RCSD1: variants seen among roughly 807,000 people sequenced by gnomAD.
RCSD1 encodes the protein RCSD domain containing 1.
A neutral mutation model predicts 42.5 loss-of-function variants in RCSD1; 26 were observed. The ratio of observed to expected loss-of-function variants is 0.61; its 90% CI spans 0.45 to 0.85. The LOEUF is 0.85. Ranked by LOEUF, RCSD1 falls within the 40% of genes least tolerant of loss-of-function variation. RCSD1 has a pLI of 0.00. For synonymous variants in RCSD1, 220 were observed against 212.2 expected (o/e 1.04, Z -0.32); for missense variants, 571 against 528.3 (o/e 1.08, Z -0.79).
intron 6 of RCSD1, among the ~76,000 whole-genome samples, chr1:167,698,554 T>C (rs1344258558): frequency 6.6e-6 from 1 of 152,158 alleles, no homozygotes; most frequent in Admixed American, 6.5e-5. Context: ...ACTGGCCCTT[T>C]CCTCTACACC....
chr1:167,694,250 C>G lies in RCSD1; in HGVS notation c.422C>G (p.Pro141Arg). The G allele has an allele frequency of 3.1e-6, 5 of 1,614,224 alleles. No homozygotes were observed. The highest frequency in any genetic ancestry group is 4.2e-6 in the Non-Finnish European group (5 of 1,180,048). The change falls in exon 5 of 7, where the codon CCT becomes CGT. Residue 141 changes from proline to arginine, a missense_variant. Pro to Arg is a moderately radical substitution (Grantham distance 103). Transcript: ENST00000367854. ...RSRPSEAEEV[P>R]VSFDQPPEGS... is the part of the protein sequence containing the mutation. ...AGGCCCAGCGAGGCAGAGGAGGTGC[C>G]TGTCAGCTTCGACCAGCCCCCTGAA... is the stretch of plus-strand genomic sequence containing the variant.
At chr1:167,630,692 C>A (rs1360689768) in intron 1 of RCSD1, 5 of 139,434 alleles carry the variant, frequency 3.6e-5, no homozygotes, top group African/African-American at 1.5e-4. Context: ...TCCTAGAGGC[C>A]CGGGTATTTT....
chr1:167,631,276 G>A (rs765538864), intron 1 of RCSD1, among the ~76,000 whole-genome samples: 1 of 152,216 alleles, frequency 6.6e-6, no homozygotes, highest in Non-Finnish European at 1.5e-5. Context: ...CCTTGAAAAT[G>A]AGACCTGATA....
At chr1:167,636,616 T>C (rs1657861984) in intron 1 of RCSD1, among the ~76,000 whole-genome samples, 1 of 151,912 alleles carries the variant, frequency 6.6e-6, no homozygotes, top group Admixed American at 6.6e-5. Context: ...TTAGACGGAG[T>C]TTTGCTCTTG....
rs983756673 is a variant in RCSD1 at position 167,699,009 on chromosome 1, A to G, written c.1218+1167A>G. ...GGAGACGGGTTTCACCGTGTTAGCC[A>G]GGATGATCTCGATCTCCTGACCTCA... On this transcript the variant is annotated intron_variant, in intron 6 of 6. Coordinates refer to ENST00000367854, the MANE Select transcript of RCSD1 (RefSeq NM_052862.4). Among the ~76,000 whole-genome samples the G allele has an allele frequency of 2.0e-5, 3 of 152,166 alleles. No homozygotes were observed. The East Asian group carries it at 5.8e-4, about 29-fold the overall frequency.
At chr1:167,642,908 G>A (rs973487935) in intron 1 of RCSD1, among the ~76,000 whole-genome samples, 1 of 152,134 alleles carries the variant, frequency 6.6e-6, no homozygotes, top group African/African-American at 2.4e-5. Context: ...TTGAAGAAAT[G>A]GTAGCAACAG....
chr1:167,673,221 C>CAATGATTCCTTTTTAACA (rs1658855212), intron 1 of RCSD1, among the ~76,000 whole-genome samples: 1 of 152,214 alleles, frequency 6.6e-6, no homozygotes, highest in African/African-American at 2.4e-5. Flanking sequence ...GAAGACATGA[C>CAATGATTCCTTTTTAACA]AATGATTCCT....
At position 167,697,691 on chromosome 1, in the gene RCSD1, T is replaced by C; in HGVS notation, c.1067T>C (p.Val356Ala). Residue 356 changes from valine (V) to alanine (A), a missense_variant, in exon 6 of 7, where the codon GTG becomes GCG. Val to Ala is a moderately conservative substitution (Grantham distance 64, BLOSUM62 0). Transcript: ENST00000367854. ...ACCCCCCACAGTCCCCCTGGAGGAG[T>C]GAAGGGCGGAGATGTCCCCAAGCAG... The part of the protein sequence containing the change: ...KETPHSPPGG[V>A]KGGDVPKQEK... 1 of 1,599,810 alleles carries C rather than the reference T, an allele frequency of 6.3e-7. No individual in the cohort carries two copies. Among genetic ancestry groups the C allele is most frequent in the Non-Finnish European group, 8.5e-7 (1 of 1,174,406 alleles).
In RCSD1 at chr1:167,690,042, T is replaced by C; in HGVS notation, c.199-7T>C. 3 of 1,614,008 alleles carry C rather than the reference T, an allele frequency of 1.9e-6. No homozygotes were observed. Among genetic ancestry groups the C allele is most frequent in the Admixed American group, 1.7e-5 (1 of 60,002 alleles). On this transcript the variant is annotated splice_region_variant and splice_polypyrimidine_tract_variant and intron_variant, in intron 3 of 6. Coordinates refer to ENST00000367854, the MANE Select transcript of RCSD1 (RefSeq NM_052862.4). ...TATCTGGTTGTTTTGGTTGATTTGC[T>C]CCATAGAAATCACCACCCAATGCGA...
At position 167,706,295 on chromosome 1, in the gene RCSD1, T is replaced by G. The variant is rs1238825618; in HGVS notation, c.*1599T>G. The G allele has an allele frequency of 6.6e-6, 1 of 152,222 alleles. No homozygotes were observed. Among genetic ancestry groups the G allele is most frequent in the Non-Finnish European group, 1.5e-5 (1 of 68,046 alleles). 9.4% of individuals were successfully genotyped at this position (152,222 alleles called of 1,614,324 possible). On this transcript the variant is annotated 3_prime_UTR_variant, in exon 7 of 7. Coordinates refer to ENST00000367854, the MANE Select transcript of RCSD1 (RefSeq NM_052862.4). ...TGAGATCTATAAACTTGTCTGTCTA[T>G]CTATCTAGCTGGCTAGCTTGCTATC...
chr1:167,645,499 G>A (rs999448724), intron 1 of RCSD1, among the ~76,000 whole-genome samples: 4 of 152,216 alleles, frequency 2.6e-5, no homozygotes, highest in South Asian at 2.1e-4. Flanking sequence ...ACAAGACCAC[G>A]AGGCTGGGGA....
chr1:167,704,298 C>T (rs747486514), intron 6 of RCSD1, among the ~76,000 whole-genome samples: 9 of 145,406 alleles, frequency 6.2e-5, no homozygotes, highest in Non-Finnish European at 1.2e-4. Context: ...ATAGAGGGAA[C>T]TCAGGCATCA....
At chr1:167,694,874 C>A (rs1659458654) in intron 5 of RCSD1, among the ~76,000 whole-genome samples, 1 of 152,128 alleles carries the variant, frequency 6.6e-6, no homozygotes, top group Non-Finnish European at 1.5e-5. Flanking sequence ...TCTGTGTGAG[C>A]TTTCATCACA....
Position 167,707,842 on chromosome 1 carries a change from G to A in RCSD1, c.*3146G>A, listed in dbSNP as rs181126927. Among the ~76,000 whole-genome samples the A allele has an allele frequency of 2.0e-5, 3 of 152,238 alleles. No homozygotes were observed. Among genetic ancestry groups the A allele is most frequent in the Admixed American group, 1.3e-4 (2 of 15,294 alleles). ...ACCTAATAGCTCGGATTACAAGTAT[G>A]CACCACCATGCCCAGCTAATTTTTG... On this transcript the variant is annotated 3_prime_UTR_variant, in exon 7 of 7. Coordinates refer to ENST00000367854, the MANE Select transcript of RCSD1 (RefSeq NM_052862.4).
intron 6 of RCSD1, among the ~76,000 whole-genome samples, chr1:167,698,599 T>G (rs540720104): frequency 1.3e-5 from 2 of 151,984 alleles, no homozygotes; most frequent in Non-Finnish European, 2.9e-5. Flanking sequence ...GAAGCCCATC[T>G]TGAGCTCACC....
Position 167,647,877 on chromosome 1 carries a change from A to T in RCSD1, c.6+17448A>T, listed in dbSNP as rs184109034. Among the ~76,000 whole-genome samples, 398 of 152,298 alleles carry T rather than the reference A, an allele frequency of 2.6e-3. 4 individuals are homozygous for T. Among genetic ancestry groups the T allele is most frequent in the African/African-American group, 9.1e-3 (379 of 41,556 alleles). ...AATTTGCTAAAATTAAGCTAATCTT[A>T]AATATTTTAAGATTTGAAATTCATC... On this transcript the variant is annotated intron_variant, in intron 1 of 6. Transcript: ENST00000367854.
intron 6 of RCSD1, among the ~76,000 whole-genome samples, chr1:167,698,806 TG>T (rs1217080875): frequency 1.8e-4 from 26 of 148,244 alleles, no homozygotes; most frequent in African/African-American, 3.8e-4. Flanking sequence ...TTTTTGTTTT[TG>T]TTTTTGTTTT....
chr1:167,692,466 C>T (rs186794223), intron 4 of RCSD1, among the ~76,000 whole-genome samples: 91 of 152,230 alleles, frequency 6.0e-4, no homozygotes, highest in African/African-American at 2.0e-3. Flanking sequence ...TCAACCTGCA[C>T]GGCAACTATG....
chr1:167,702,563 G>A (rs1044027984), intron 6 of RCSD1, among the ~76,000 whole-genome samples: 11 of 152,212 alleles, frequency 7.2e-5, no homozygotes, highest in African/African-American at 2.4e-4. Flanking sequence ...CAGATCACTT[G>A]AGGTCAGGAG....
Sources: allele counts gnomAD v4.1 joint callset (sites outside exome capture counted in the v4.1 genomes callset), GRCh38; gene constraint gnomAD v4.1.1; transcripts MANE v1.5; gene names NCBI Gene and HGNC (gene_info 2026-07-23, HGNC 2026-07-21).